The following TAFA2 variants were observed in gnomAD, a reference collection of about 807,000 sequenced individuals.
TAFA2 encodes TAFA chemokine like family member 2, also known as chemokine-like protein TAFA-2.
Under a neutral mutation model 18.8 loss-of-function variants are expected in TAFA2, and 7 were observed. The ratio of observed to expected loss-of-function variants is 0.37; its 90% CI spans 0.21 to 0.70. TAFA2 has a LOEUF of 0.70. Among genes scored for constraint, TAFA2 ranks in the 30% least tolerant of loss-of-function variants. TAFA2 has a pLI of 0.53. For synonymous variants in TAFA2, 60 were observed against 54.2 expected (o/e 1.11, Z -0.47); for missense variants, 122 against 158.1 (o/e 0.77, Z 1.23).
At chr12:62,197,578 A>G (rs1220358385), upstream of TAFA2, among the ~76,000 whole-genome samples, 1 of 152,182 alleles carries the variant, frequency 6.6e-6, no homozygotes, top group Non-Finnish European at 1.5e-5. Context: ...CATTCCCCCA[A>G]AAGTTACCTC....
chr12:61,801,173 T>C (rs2062555271), intron 2 of TAFA2, among the ~76,000 whole-genome samples: 2 of 152,260 alleles, frequency 1.3e-5, no homozygotes, highest in African/African-American at 4.8e-5. Context: ...AGAATTAATA[T>C]TGTTAAAATG....
chr12:62,061,321 C>T (rs984752623), intron 1 of TAFA2, among the ~76,000 whole-genome samples: 4 of 152,140 alleles, frequency 2.6e-5, no homozygotes, highest in African/African-American at 9.7e-5. Context: ...ATTTTAAATT[C>T]ACTTGTACTT....
intron 1 of TAFA2, chr12:62,206,914 A>G (rs1385836642): frequency 7.2e-5 from 11 of 152,196 alleles, no homozygotes; most frequent in African/African-American, 2.4e-4. Flanking sequence ...AGTTCATGAT[A>G]TAAAGAATAT....
chr12:62,064,716 G>C (rs1882441586), intron 1 of TAFA2, among the ~76,000 whole-genome samples: 1 of 151,964 alleles, frequency 6.6e-6, no homozygotes. Context: ...TGACTGAATT[G>C]CATTCCCTCA....
At chr12:62,202,425 C>A (rs1483253510) in intron 1 of TAFA2, among the ~76,000 whole-genome samples, 2 of 151,902 alleles carry the variant, frequency 1.3e-5, no homozygotes, top group Non-Finnish European at 1.5e-5. Context: ...TGGCTCACTG[C>A]AACTTCTGCC....
At chr12:61,863,515 G>A (rs1337241152) in intron 2 of TAFA2, among the ~76,000 whole-genome samples, 4 of 152,188 alleles carry the variant, frequency 2.6e-5, no homozygotes, top group Non-Finnish European at 5.9e-5. Flanking sequence ...TGGGGGTAGG[G>A]TGGACAGACC....
intron 4 of TAFA2, among the ~76,000 whole-genome samples, chr12:61,716,067 T>C (rs1869644649): frequency 6.6e-6 from 1 of 152,214 alleles, no homozygotes; most frequent in Non-Finnish European, 1.5e-5. Flanking sequence ...ATAGATTGTC[T>C]GAGCTGAGAA....
chr12:61,919,061 G>A (rs1876940989), intron 1 of TAFA2, among the ~76,000 whole-genome samples: 1 of 152,158 alleles, frequency 6.6e-6, no homozygotes, highest in Non-Finnish European at 1.5e-5. Context: ...GCCAACAGTG[G>A]CCTGTTAAGT....
intron 1 of TAFA2, among the ~76,000 whole-genome samples, chr12:62,190,219 G>C (rs2062613873): frequency 6.6e-6 from 1 of 152,040 alleles, no homozygotes; most frequent in African/African-American, 2.4e-5. Flanking sequence ...GGGAAGCCTC[G>C]CGTCCACCCA....
chr12:61,888,468 C>T (rs1398325606), intron 1 of TAFA2, among the ~76,000 whole-genome samples: 1 of 152,108 alleles, frequency 6.6e-6, no homozygotes, highest in East Asian at 1.9e-4. Context: ...TGGAGAAAAA[C>T]ACAAAACACT....
intron 1 of TAFA2, among the ~76,000 whole-genome samples, chr12:61,939,497 A>G (rs1565688630): frequency 4.6e-5 from 7 of 152,190 alleles, no homozygotes. Flanking sequence ...ATTCAACATT[A>G]AAAATAAAAA....
At chr12:62,190,651 A>G (rs768426645) in intron 1 of TAFA2, among the ~76,000 whole-genome samples, 1 of 152,228 alleles carries the variant, frequency 6.6e-6, no homozygotes, top group Non-Finnish European at 1.5e-5. Flanking sequence ...AAATCTAAAT[A>G]AACCTTACAT....
At chr12:61,843,558 T>A (rs528080968) in intron 2 of TAFA2, among the ~76,000 whole-genome samples, 26 of 152,178 alleles carry the variant, frequency 1.7e-4, no homozygotes, top group African/African-American at 6.0e-4. Context: ...GTTGGGGATG[T>A]GAAGCCTGGA....
intron 1 of TAFA2, among the ~76,000 whole-genome samples, chr12:62,180,061 A>T (rs2062541591): frequency 6.6e-6 from 1 of 152,246 alleles, no homozygotes; most frequent in South Asian, 2.1e-4. Context: ...GGAAAATCAT[A>T]GCTCACCCAG....
intron 1 of TAFA2, among the ~76,000 whole-genome samples, chr12:61,989,414 G>A (rs73130977): frequency 0.091 from 12,681 of 139,896 alleles, 624 homozygotes; most frequent in South Asian, 0.16. Flanking sequence ...GCAAAACATT[G>A]ACAAATGTCC....
intron 4 of TAFA2, among the ~76,000 whole-genome samples, chr12:61,738,324 CACACA>C (rs1555198030): frequency 1.4e-5 from 2 of 147,618 alleles, no homozygotes; most frequent in Non-Finnish European, 1.5e-5. Flanking sequence ...CACACACACA[CACACA>C]AACCTAGCTC....
In TAFA2 at chr12:61,796,853, A is replaced by G. The variant is rs929836759; in HGVS notation, c.107-41829T>C. ...GTGTTCCTAGATTATAAGAAATGGC[A>G]TGGAGTCATGGTTAACCTGAAATTT... On this transcript the variant is annotated intron_variant, in intron 2 of 4. Transcript: ENST00000416284. Among the ~76,000 whole-genome samples, 3 of 152,264 alleles carry G rather than the reference A, an allele frequency of 2.0e-5. No individual in the cohort carries two copies. The South Asian group carries it at 6.2e-4, about 32-fold the overall frequency.
intron 1 of TAFA2, among the ~76,000 whole-genome samples, chr12:62,007,549 A>G (rs1486639788): frequency 6.6e-6 from 1 of 152,212 alleles, no homozygotes; most frequent in African/African-American, 2.4e-5. Context: ...CACTACAGAG[A>G]TAATTTCTGC....
chr12:62,042,761 T>C (rs924478071), intron 1 of TAFA2, among the ~76,000 whole-genome samples: 1 of 152,244 alleles, frequency 6.6e-6, no homozygotes, highest in Non-Finnish European at 1.5e-5. Flanking sequence ...ATCATCTCAA[T>C]GCCTGCCTCA....
Sources: gnomAD v4.1 joint callset for allele counts (sites outside exome capture counted in the v4.1 genomes callset) on GRCh38, gnomAD v4.1.1 for gene constraint, MANE v1.5 for transcripts, NCBI Gene and HGNC (gene_info 2026-07-23, HGNC 2026-07-21) for gene names.